DTX2: variants seen among roughly 807,000 people sequenced by gnomAD.
DTX2 encodes deltex E3 ubiquitin ligase 2.
Under a neutral mutation model 55.3 loss-of-function variants are expected in DTX2, and 29 were observed. The observed-to-expected ratio is 0.52, with a 90% CI of 0.39 to 0.71. The LOEUF (loss-of-function observed/expected upper bound fraction) is 0.71. Among genes scored for constraint, DTX2 ranks in the 30% least tolerant of loss-of-function variants. DTX2 has a pLI of 0.00. For missense variants in DTX2, 537 were observed against 822.5 expected (o/e 0.65, Z 4.25); for synonymous variants, 276 against 340.4 (o/e 0.81, Z 2.08).
Position 76,482,533 on chromosome 7 carries a change from C to G in DTX2, c.294C>G (p.His98Gln). ...DTGTMRAVRR[H>Q]LFPQHSAPGR... is the part of the protein sequence containing the mutation. ...GCACCATGCGGGCTGTGCGGAGACA[C>G]CTGTTCCCCCAGCACTCAGCCCCTG... Residue 98 changes from histidine to glutamine, a missense_variant, in exon 4 of 11, where the codon CAC becomes CAG. His to Gln is a conservative substitution (Grantham distance 24, BLOSUM62 0). Transcript: ENST00000430490. 6.2e-7 allele frequency: 1 copy of G among 1,608,260 alleles called. No homozygotes were observed. Among genetic ancestry groups the G allele is most frequent in the Non-Finnish European group, 8.5e-7 (1 of 1,175,712 alleles).
At chr7:76,478,382 C>CATCAGT (rs1182076972) in intron 2 of DTX2, among the ~76,000 whole-genome samples, 1 of 140,980 alleles carries the variant, frequency 7.1e-6, no homozygotes, top group African/African-American at 2.7e-5. Context: ...TGGGCTCTGG[C>CATCAGT]ATCAGTGTGC....
chr7:76,492,299 C>T, intron 5 of DTX2, 46 bp downstream of exon 5: 1 of 905,004 alleles, frequency 1.1e-6, no homozygotes, highest in Non-Finnish European at 1.5e-6. Context: ...GCCCTGCGGA[C>T]TTGGTGGGGA....
At chr7:76,491,215 C>T (rs6966938) in intron 4 of DTX2, among the ~76,000 whole-genome samples, 1 of 150,678 alleles carries the variant, frequency 6.6e-6, no homozygotes, top group African/African-American at 2.4e-5. Flanking sequence ...CCAGGCTGGT[C>T]TTGAACTCCT....
At chr7:76,484,350 GA>G (rs1186117915) in intron 4 of DTX2, among the ~76,000 whole-genome samples, 193 of 100,684 alleles carry the variant, frequency 1.9e-3, no homozygotes, top group Middle Eastern at 8.1e-3. Flanking sequence ...CATCTCGGGG[GA>G]AAAAAATAAA....
At chr7:76,498,883 T>G (rs1584237346) in intron 6 of DTX2, among the ~76,000 whole-genome samples, 1 of 51,462 alleles carries the variant, frequency 1.9e-5, no homozygotes, top group Admixed American at 1.9e-4. Flanking sequence ...TGTGTGGAGG[T>G]GTGGGGTGTA....
chr7:76,475,802 GT>G (rs1355009062), intron 2 of DTX2, among the ~76,000 whole-genome samples: 1 of 95,360 alleles, frequency 1.0e-5, no homozygotes, highest in East Asian at 3.4e-4. Context: ...CAGGGTCTCT[GT>G]CTGTCACCCA....
rs2258686 is a variant in DTX2 at position 76,482,932 on chromosome 7, A to T, written c.693A>T (p.Pro231=). 2.2e-6 allele frequency: 3 copies of T among 1,350,894 alleles called. No individual in the cohort carries two copies. Among genetic ancestry groups the T allele is most frequent in the South Asian group, 1.2e-5 (1 of 82,908 alleles). The allele number at this position is 1,350,894 out of a possible 1,614,324, so 83.7% of individuals were successfully genotyped here. A position where few individuals can be genotyped will look rare whatever the true frequency, so the allele number is the denominator to read the frequency against. ...LPAYPVPQHP[P]HRTASVFGTH... Reference sequence around the variant, plus strand: ...CATACCCCGTCCCCCAGCACCCCCCACACAGGACCGCTTCTGTGTTTGGGA... The same window carrying T: ...CATACCCCGTCCCCCAGCACCCCCCTCACAGGACCGCTTCTGTGTTTGGGA... Residue 231 remains proline (P), a synonymous_variant, in exon 4 of 11, where the codon CCA becomes CCT. Transcript: ENST00000430490.
intron 2 of DTX2, among the ~76,000 whole-genome samples, chr7:76,466,887 C>CG (rs1563719591): frequency 6.6e-6 from 1 of 151,908 alleles, no homozygotes; most frequent in Non-Finnish European, 1.5e-5. Flanking sequence ...TGTGAGGCAC[C>CG]GCGCCTGGCC....
chr7:76,479,896 T>G (rs1045505047), intron 2 of DTX2, among the ~76,000 whole-genome samples: 1 of 150,902 alleles, frequency 6.6e-6, no homozygotes, highest in Admixed American at 6.6e-5. Flanking sequence ...TCTTTCTTCA[T>G]GGGCCTGTGC....
intron 8 of DTX2, chr7:76,502,748 C>T (rs917140155): frequency 8.2e-6 from 4 of 486,182 alleles, no homozygotes; most frequent in East Asian, 6.2e-5. Context: ...AGCCCCAGGG[C>T]ACCGCCTCCC....
At chr7:76,481,975 G>C (rs1227562940) in intron 3 of DTX2, among the ~76,000 whole-genome samples, 2 of 151,848 alleles carry the variant, frequency 1.3e-5, no homozygotes, top group Non-Finnish European at 1.5e-5. Flanking sequence ...TGGGATTACA[G>C]GCTCGAGCCG....
At chr7:76,481,076 A>G (rs1455835828) in intron 3 of DTX2, among the ~76,000 whole-genome samples, 1 of 152,266 alleles carries the variant, frequency 6.6e-6, no homozygotes, top group Non-Finnish European at 1.5e-5. Context: ...GTGGTGCGTC[A>G]TAGGAGTTCA....
At position 76,480,706 on chromosome 7, in the gene DTX2, G is replaced by A. The variant is rs1159578010; in HGVS notation, c.197G>A (p.Gly66Asp). The A allele has an allele frequency of 6.2e-7, 1 of 1,613,684 alleles. No homozygotes were observed. Among genetic ancestry groups the A allele is most frequent in the Admixed American group, 1.7e-5 (1 of 59,990 alleles). Reference protein sequence around the residue: ...LGSLAHSIPLGQADPSLAPYI... With the variant: ...LGSLAHSIPLDQADPSLAPYI... ...AGCCTGGCCCACAGCATCCCCTTGGGCCAGGCAGACCCCTCGCTGGCCCCT... is the reference window on the plus strand; with the variant it reads ...AGCCTGGCCCACAGCATCCCCTTGGACCAGGCAGACCCCTCGCTGGCCCCT... Residue 66 changes from glycine (G) to aspartate (D), a missense_variant, in exon 3 of 11, where the codon GGC becomes GAC. Physicochemically the swap from Gly to Asp is moderately conservative, Grantham distance 94 (BLOSUM62 -1). Coordinates refer to ENST00000430490, the MANE Select transcript of DTX2 (RefSeq NM_001102594.3).
Position 76,505,315 on chromosome 7 carries a change from C to A in DTX2, c.1642-59C>A. 1.4e-6 allele frequency: 2 copies of A among 1,423,290 alleles called. No homozygotes were observed. The highest frequency in any genetic ancestry group is 1.9e-6 in the Non-Finnish European group (2 of 1,039,470). The allele number at this position is 1,423,290 out of a possible 1,614,324, so 88.2% of individuals were successfully genotyped here. A position where few individuals can be genotyped will look rare whatever the true frequency, so the allele number is the denominator to read the frequency against. On this transcript the variant is annotated intron_variant, in intron 10 of 10. Coordinates refer to ENST00000430490, the MANE Select transcript of DTX2 (RefSeq NM_001102594.3). The surrounding 1 kb of genome is among the most constrained non-coding windows in gnomAD (Gnocchi z 4.4). ...CATGGTGCCAACCCGTGCCTGCTCA[C>A]TGAGCCCCTCTCACTCTCCGTCCCC...
chr7:76,477,800 CTAAA>C (rs200872991), intron 2 of DTX2, among the ~76,000 whole-genome samples: 3,507 of 90,060 alleles, frequency 0.039, 694 homozygotes, highest in African/African-American at 0.11. Flanking sequence ...GACTCGGACT[CTAAA>C]TAAATAAATA....
Position 76,505,352 on chromosome 7 carries a change from C to G in DTX2, c.1642-22C>G, listed in dbSNP as rs1378644393. 24 of 1,549,112 alleles carry G rather than the reference C, an allele frequency of 1.5e-5. No individual in the cohort carries two copies. In the Admixed American group the frequency reaches 4.7e-4, roughly 30 times the overall value. On this transcript the variant is annotated intron_variant, in intron 10 of 10. Coordinates refer to ENST00000430490, the MANE Select transcript of DTX2 (RefSeq NM_001102594.3). The surrounding 1 kb of genome is among the most constrained non-coding windows in gnomAD (Gnocchi z 4.4). ...CACTCTCCGTCCCCTCCTTCCTCTT[C>G]CCCCTCCTCCTCCCCGGGCAGGTCC...
At chr7:76,464,308 A>ATC (rs1374458432) in intron 2 of DTX2, among the ~76,000 whole-genome samples, 4 of 150,622 alleles carry the variant, frequency 2.7e-5, no homozygotes, top group Non-Finnish European at 5.9e-5. Flanking sequence ...GGGCTACTGT[A>ATC]AGTAGCTTAG....
At chr7:76,468,420 G>T in intron 2 of DTX2, among the ~76,000 whole-genome samples, 1 of 135,378 alleles carries the variant, frequency 7.4e-6, no homozygotes, top group African/African-American at 2.8e-5. Flanking sequence ...GCAAACGATG[G>T]ACCCTCAGCC....
chr7:76,468,252 A>ATG (rs1807401433), intron 2 of DTX2, among the ~76,000 whole-genome samples: 1 of 152,074 alleles, frequency 6.6e-6, no homozygotes. Flanking sequence ...AAAGGCTGAC[A>ATG]TGTCTGCAGA....
Sources: allele counts gnomAD v4.1 joint callset (sites outside exome capture counted in the v4.1 genomes callset), GRCh38; gene constraint gnomAD v4.1.1; non-coding constraint Gnocchi (gnomAD v3.1); transcripts MANE v1.5; gene names NCBI Gene and HGNC (gene_info 2026-07-23, HGNC 2026-07-21).